The following DLGAP2 variants were observed in gnomAD, a reference collection of about 807,000 sequenced individuals.
DLGAP2 encodes the protein DLG associated protein 2.
Under a neutral mutation model 100.3 loss-of-function variants are expected in DLGAP2, and 26 were observed. The ratio of observed to expected loss-of-function variants is 0.26; its 90% CI spans 0.19 to 0.36. The LOEUF (loss-of-function observed/expected upper bound fraction) is 0.36, where lower values mean the gene tolerates loss of function less well. Ranked by LOEUF, DLGAP2 falls within the 10% of genes least tolerant of loss-of-function variation. The pLI is 1.00. For synonymous variants in DLGAP2, 886 were observed against 630.1 expected (o/e 1.41, Z -6.08); for missense variants, 1,858 against 1,453.2 (o/e 1.28, Z -4.53).
At chr8:1,255,698 C>A (rs187880269) in intron 2 of DLGAP2, among the ~76,000 whole-genome samples, 13 of 132,716 alleles carry the variant, frequency 9.8e-5, no homozygotes, top group Non-Finnish European at 2.0e-4. Flanking sequence ...TGTGTGTCCT[C>A]TTCTGCCTGG....
At chr8:1,368,483 A>G (rs1248136489) in intron 3 of DLGAP2, among the ~76,000 whole-genome samples, 3 of 152,176 alleles carry the variant, frequency 2.0e-5, no homozygotes, top group African/African-American at 7.2e-5. Flanking sequence ...TGTGCTCTGA[A>G]AAATGTAGAA....
intron 3 of DLGAP2, among the ~76,000 whole-genome samples, chr8:1,267,060 C>G (rs1007391549): frequency 6.6e-6 from 1 of 151,620 alleles, no homozygotes; most frequent in African/African-American, 2.4e-5. Context: ...AATCCTGTCT[C>G]TACTAAAAAT....
In DLGAP2 at chr8:1,172,377, T is replaced by C. The variant is rs1468425017; in HGVS notation, c.74-86474T>C. ...ATTATGTGTCTTGGAGTTGCTCTTC[T>C]CGAGGAGTAGCTTTGTGGCGTTCTC... On this transcript the variant is annotated intron_variant, in intron 2 of 14. Transcript: ENST00000637795. Among the ~76,000 whole-genome samples, 3 of 151,754 alleles carry C rather than the reference T, an allele frequency of 2.0e-5. No homozygotes were observed. In the East Asian group the frequency reaches 5.9e-4, roughly 30 times the overall value.
At chr8:1,697,351 A>C in intron 14 of DLGAP2, 52 bp downstream of exon 14, 1 of 1,536,046 alleles carries the variant, frequency 6.5e-7, no homozygotes. Flanking sequence ...TTCTCACTGC[A>C]CTAACGACCT....
intron 4 of DLGAP2, among the ~76,000 whole-genome samples, chr8:1,506,960 CA>C (rs1458955571): frequency 6.6e-6 from 1 of 152,114 alleles, no homozygotes; most frequent in African/African-American, 2.4e-5. Flanking sequence ...AAGTCCCCAC[CA>C]GATTAGCTAG....
chr8:1,149,856 T>C (rs947736273), intron 2 of DLGAP2, among the ~76,000 whole-genome samples: 1 of 152,230 alleles, frequency 6.6e-6, no homozygotes, highest in African/African-American at 2.4e-5. Context: ...CAGTCATCTC[T>C]AGGTTATTAG....
At chr8:1,288,658 A>G (rs1799992552) in intron 3 of DLGAP2, among the ~76,000 whole-genome samples, 3 of 128,926 alleles carry the variant, frequency 2.3e-5, no homozygotes, top group African/African-American at 9.2e-5. Flanking sequence ...CGTAGTTAGG[A>G]GGGGAACTTG....
intron 3 of DLGAP2, among the ~76,000 whole-genome samples, chr8:1,356,091 C>T (rs887652528): frequency 1.3e-5 from 2 of 152,218 alleles, no homozygotes; most frequent in Non-Finnish European, 2.9e-5. Context: ...AGTGCAGGTC[C>T]CTGGACAAGG....
At chr8:815,118 G>A (rs907275697) in intron 1 of DLGAP2, among the ~76,000 whole-genome samples, 4 of 152,332 alleles carry the variant, frequency 2.6e-5, no homozygotes, top group African/African-American at 9.6e-5. Flanking sequence ...CATGTGTGCT[G>A]CTACAACCAA....
At chr8:1,480,011 C>T (rs141584235) in intron 3 of DLGAP2, among the ~76,000 whole-genome samples, 16 of 152,184 alleles carry the variant, frequency 1.1e-4, no homozygotes, top group Non-Finnish European at 2.2e-4. Context: ...TAGTCCTCAC[C>T]AGCCCCTGTA....
chr8:890,126 A>G (rs962080072), intron 1 of DLGAP2, among the ~76,000 whole-genome samples: 3 of 152,106 alleles, frequency 2.0e-5, no homozygotes, highest in Admixed American at 6.5e-5. Context: ...GCTGCCGGTG[A>G]AGGATTCACA....
intron 1 of DLGAP2, among the ~76,000 whole-genome samples, chr8:802,803 C>T (rs772303816): frequency 1.3e-5 from 2 of 152,170 alleles, no homozygotes; most frequent in African/African-American, 2.4e-5. Context: ...CCCGTTTTCA[C>T]CCCTGGGGCT....
chr8:1,478,539 C>A (rs1023841558), intron 3 of DLGAP2, among the ~76,000 whole-genome samples: 1 of 152,204 alleles, frequency 6.6e-6, no homozygotes, highest in Non-Finnish European at 1.5e-5. Context: ...CCATCGACAC[C>A]ATAGATGCCC....
At chr8:1,321,578 C>G (rs1025081603) in intron 3 of DLGAP2, among the ~76,000 whole-genome samples, 1 of 152,242 alleles carries the variant, frequency 6.6e-6, no homozygotes. Context: ...CCACAGCTCA[C>G]AGGAATTCAG....
chr8:1,166,900 T>G (rs1266631389), intron 2 of DLGAP2, among the ~76,000 whole-genome samples: 1 of 152,234 alleles, frequency 6.6e-6, no homozygotes, highest in African/African-American at 2.4e-5. Context: ...ACACTCCTAG[T>G]GTTTGGGAGG....
At chr8:1,091,087 G>A (rs182941280) in intron 2 of DLGAP2, among the ~76,000 whole-genome samples, 108 of 152,220 alleles carry the variant, frequency 7.1e-4, no homozygotes, top group African/African-American at 2.5e-3. Flanking sequence ...ACAGGGCTCC[G>A]GGCAGCCTGC....
chr8:1,569,844 G>C (rs903219224), intron 6 of DLGAP2, among the ~76,000 whole-genome samples: 1 of 151,856 alleles, frequency 6.6e-6, no homozygotes, highest in Non-Finnish European at 1.5e-5. Flanking sequence ...GTTCTGCGGA[G>C]GGCAGGATAG....
At chr8:1,170,738 A>G (rs1477065978) in intron 2 of DLGAP2, among the ~76,000 whole-genome samples, 1 of 149,670 alleles carries the variant, frequency 6.7e-6, no homozygotes, top group Admixed American at 6.7e-5. Flanking sequence ...TATCCCCTTT[A>G]TCATTTTTTA....
intron 2 of DLGAP2, among the ~76,000 whole-genome samples, chr8:959,179 ACTTG>A (rs1397737562): frequency 5.9e-5 from 9 of 152,202 alleles, no homozygotes; most frequent in African/African-American, 2.2e-4. Context: ...TTTTTAATAA[ACTTG>A]CTTATACGTC....
Sources: allele counts gnomAD v4.1 joint callset (sites outside exome capture counted in the v4.1 genomes callset), GRCh38; gene constraint gnomAD v4.1.1; transcripts MANE v1.5; gene names NCBI Gene and HGNC (gene_info 2026-07-23, HGNC 2026-07-21).